PTPRB: variants seen among roughly 807,000 people sequenced by gnomAD.
PTPRB encodes protein tyrosine phosphatase receptor type B.
In PTPRB, 97 loss-of-function variants were observed where a neutral mutation model predicts 238.1. The observed-to-expected ratio is 0.41, with a 90% confidence interval of 0.35 to 0.48. The LOEUF (loss-of-function observed/expected upper bound fraction) is 0.48, where lower values mean the gene tolerates loss of function less well. Among genes scored for constraint, PTPRB ranks in the 20% least tolerant of loss-of-function variants. PTPRB has a pLI of 0.30. For synonymous variants in PTPRB, 970 were observed against 995.4 expected (o/e 0.97, Z 0.48); for missense variants, 2,292 against 2,681.9 (o/e 0.85, Z 3.21).
chr12:70,631,614 G>A (rs1304085432), intron 2 of PTPRB, among the ~76,000 whole-genome samples: 3 of 151,934 alleles, frequency 2.0e-5, no homozygotes, highest in Admixed American at 6.6e-5. Context: ...CTGCACAGCA[G>A]AAGAAACTAC....
intron 14 of PTPRB, 117 bp from the exon 15 acceptor site, chr12:70,566,821 G>A: frequency 9.1e-7 from 1 of 1,103,024 alleles, no homozygotes; most frequent in Non-Finnish European, 1.3e-6. Flanking sequence ...TGCTTTATTT[G>A]TGTGTCATTG....
intron 10 of PTPRB, among the ~76,000 whole-genome samples, chr12:70,579,709 A>C (rs1592525698): frequency 6.6e-6 from 1 of 150,874 alleles, no homozygotes; most frequent in Admixed American, 6.6e-5. Context: ...AAAAAAAAAA[A>C]AAAAAAGAAA....
At chr12:70,541,456 CT>C (rs1400831544) in intron 22 of PTPRB, 1 of 152,660 alleles carries the variant, frequency 6.6e-6, no homozygotes, top group African/African-American at 2.4e-5. Context: ...TTTAAAATAG[CT>C]TTATTGAAAT....
chr12:70,559,192 G>A (rs1003173882), intron 18 of PTPRB, 151 bp downstream of exon 18: 9 of 834,776 alleles, frequency 1.1e-5, no homozygotes, highest in Admixed American at 6.7e-5. Flanking sequence ...TTGAATGAAC[G>A]AACAAATCTA....
intron 2 of PTPRB, among the ~76,000 whole-genome samples, chr12:70,630,139 C>T (rs2136603929): frequency 6.6e-6 from 1 of 152,270 alleles, no homozygotes; most frequent in East Asian, 1.9e-4. Flanking sequence ...AGACCAATAT[C>T]CCTGATGAAC....
At chr12:70,609,020 G>A (rs772388940) in intron 4 of PTPRB, 49 bp downstream of exon 4, 1 of 1,595,400 alleles carries the variant, frequency 6.3e-7, no homozygotes, top group East Asian at 2.2e-5. Context: ...AAAAGGCAGG[G>A]CCCAACCCCG....
In PTPRB at chr12:70,625,358, G is replaced by T. The variant is rs1054871988; in HGVS notation, c.452-2712C>A. On this transcript the variant is annotated intron_variant, in intron 2 of 33. Coordinates refer to ENST00000334414, the MANE Select transcript of PTPRB (RefSeq NM_001109754.4). The stretch of plus-strand genomic sequence containing the variant: ...TGGAAACTGCGATTTAGCAGACTTG[G>T]TGTGGGACCTGAAACCTGCTATTAT... Among the ~76,000 whole-genome samples the T allele has an allele frequency of 2.6e-5, 4 of 152,122 alleles. No individual in the cohort carries two copies. The East Asian group carries it at 7.7e-4, about 29-fold the overall frequency.
At position 70,517,190 on chromosome 12, in the gene PTPRB, A is replaced by G. The variant is rs1027477597; in HGVS notation, c.*4299T>C. On this transcript the variant is annotated 3_prime_UTR_variant, in exon 34 of 34. Coordinates refer to ENST00000334414, the MANE Select transcript of PTPRB (RefSeq NM_001109754.4). ...TAGTTAAATATCTGGTCAATTCAAA[A>G]AGCAAAATAAATTGATTCAATTGTT... The G allele has an allele frequency of 6.6e-6, 1 of 152,188 alleles. No homozygotes were observed. The highest frequency in any genetic ancestry group is 2.4e-5 in the African/African-American group (1 of 41,440). 9.4% of individuals were successfully genotyped at this position (152,188 alleles called of 1,614,324 possible).
At position 70,521,297 on chromosome 12, in the gene PTPRB, A is replaced by C. The variant is rs1871622812; in HGVS notation, c.*192T>G. ...TGAAAAATACATATTTACAGAAGAA[A>C]CTACAAAATACAACTATGTACAATA... On this transcript the variant is annotated 3_prime_UTR_variant, in exon 34 of 34. Coordinates refer to ENST00000334414, the MANE Select transcript of PTPRB (RefSeq NM_001109754.4). 2 of 427,916 alleles carry C rather than the reference A, an allele frequency of 4.7e-6. No individual in the cohort carries two copies. The highest frequency in any genetic ancestry group is 8.2e-6 in the Non-Finnish European group (2 of 242,670). 26.5% of individuals were successfully genotyped at this position (427,916 alleles called of 1,614,324 possible). A position where few individuals can be genotyped will look rare whatever the true frequency, so the allele number is the denominator to read the frequency against.
At chr12:70,543,553 A>G (rs116326591) in intron 22 of PTPRB, among the ~76,000 whole-genome samples, 1 of 152,320 alleles carries the variant, frequency 6.6e-6, no homozygotes, top group African/African-American at 2.4e-5. Flanking sequence ...GATTATCCCT[A>G]TATTTGGCAT....
chr12:70,546,272 G>A (rs539869876), intron 21 of PTPRB, among the ~76,000 whole-genome samples: 14 of 152,338 alleles, frequency 9.2e-5, no homozygotes, highest in African/African-American at 3.4e-4. Flanking sequence ...ACCTGAGCAG[G>A]AGAGTTGCTG....
chr12:70,586,756 C>A (rs1274633811), intron 9 of PTPRB, among the ~76,000 whole-genome samples: 1 of 152,162 alleles, frequency 6.6e-6, no homozygotes. Flanking sequence ...TCCTTTACAG[C>A]AAAACTCCTT....
intron 4 of PTPRB, among the ~76,000 whole-genome samples, chr12:70,602,293 C>T (rs1883578471): frequency 6.6e-6 from 1 of 152,112 alleles, no homozygotes; most frequent in Non-Finnish European, 1.5e-5. Context: ...CTGAGGGCAC[C>T]CAGACAACTT....
chr12:70,627,997 A>G (rs1029354007), intron 2 of PTPRB, among the ~76,000 whole-genome samples: 1 of 152,184 alleles, frequency 6.6e-6, no homozygotes, highest in African/African-American at 2.4e-5. Flanking sequence ...CACACATTTT[A>G]TTCCCTCTCC....
chr12:70,555,063 C>A, intron 20 of PTPRB, 97 bp downstream of exon 20: 1 of 1,393,554 alleles, frequency 7.2e-7, no homozygotes, highest in Non-Finnish European at 9.8e-7. Flanking sequence ...ACATTTTCTA[C>A]TTAAGTTTCT....
chr12:70,609,161 T>C lies in PTPRB; in HGVS notation c.887A>G (p.Tyr296Cys). Residue 296 changes from tyrosine to cysteine, a missense_variant, in exon 4 of 34, where the codon TAC becomes TGC. Tyr to Cys is a radical substitution (Grantham distance 194, BLOSUM62 -2). Around this residue, in one of 4 missense-constraint regions of PTPRB, gnomAD observed 1,205 missense variants for 1,287.8 expected, o/e 0.94. Coordinates refer to ENST00000334414, the MANE Select transcript of PTPRB (RefSeq NM_001109754.4). ...TTGTAAATCTTGAAGGTTACATCCG[T>C]ATGTGGTGTTGTCTATCCGAAAGGT... ...CPTFRIDNTT[Y>C]GCNLQDLQAG... 1 of 1,614,010 alleles carries C rather than the reference T, an allele frequency of 6.2e-7. No individual in the cohort carries two copies. The highest frequency in any genetic ancestry group is 8.5e-7 in the Non-Finnish European group (1 of 1,179,882).
intron 16 of PTPRB, among the ~76,000 whole-genome samples, chr12:70,561,814 A>G (rs1878517328): frequency 6.6e-6 from 1 of 152,082 alleles, no homozygotes; most frequent in Admixed American, 6.5e-5. Context: ...TTCCCAGATC[A>G]TCTCCCTTTG....
At chr12:70,532,551 A>G (rs1873442047) in intron 31 of PTPRB, among the ~76,000 whole-genome samples, 1 of 152,022 alleles carries the variant, frequency 6.6e-6, no homozygotes. Flanking sequence ...TTCCTACTCA[A>G]TATTATGTTT....
At chr12:70,626,296 C>CATCCATCCATCTATCTATCT (rs1340352590) in intron 2 of PTPRB, among the ~76,000 whole-genome samples, 1 of 91,912 alleles carries the variant, frequency 1.1e-5, no homozygotes, top group Admixed American at 1.3e-4. Context: ...TCTATCCATC[C>CATCCATCCATCTATCTATCT]ATCTATCTAT....
Sources: gnomAD v4.1 joint callset for allele counts (sites outside exome capture counted in the v4.1 genomes callset) on GRCh38, gnomAD v4.1.1 for gene constraint, gnomAD v4.1.1 regional missense constraint, MANE v1.5 for transcripts, NCBI Gene and HGNC (gene_info 2026-07-23, HGNC 2026-07-21) for gene names.